The following CAPN2 variants were observed in gnomAD, a reference collection of about 807,000 sequenced individuals.
The protein encoded by CAPN2 is calpain-2 catalytic subunit.
CAPN2 carries 92 observed loss-of-function variants against 102.3 expected under a neutral mutation model. That is an observed-to-expected ratio of 0.90 (90% CI 0.76 to 1.07). The LOEUF (loss-of-function observed/expected upper bound fraction) is 1.07. CAPN2 is among the 50% of genes least tolerant of loss of function. The pLI is 0.00. For synonymous variants in CAPN2, 340 were observed against 355.4 expected, an observed-to-expected ratio of 0.96 and a Z score of 0.49; for missense variants, 800 against 909.4, an observed-to-expected ratio of 0.88 and a Z score of 1.55.
chr1:223,719,841 C>CGT (rs1278226832), intron 2 of CAPN2, among the ~76,000 whole-genome samples: 1 of 143,224 alleles, frequency 7.0e-6, no homozygotes, highest in Non-Finnish European at 1.6e-5. Flanking sequence ...TGCGCGCGCG[C>CGT]GCGTATAATG....
intron 20 of CAPN2, among the ~76,000 whole-genome samples, chr1:223,773,863 AAATAAAT>A (rs1321361754): frequency 2.2e-4 from 33 of 151,966 alleles, no homozygotes; most frequent in Middle Eastern, 3.4e-3. Context: ...TCTCAGAAAA[AAATAAAT>A]AAAAAATAAA....
intron 2 of CAPN2, among the ~76,000 whole-genome samples, chr1:223,738,051 G>A (rs1660512054): frequency 6.6e-6 from 1 of 152,064 alleles, no homozygotes; most frequent in Admixed American, 6.5e-5. Context: ...TCTAATAGAG[G>A]TAGACTTCCT....
At position 223,772,234 on chromosome 1, in the gene CAPN2, A is replaced by C. The variant is rs1558080967; in HGVS notation, c.2074A>C (p.Ile692Leu). The C allele has an allele frequency of 3.7e-6, 6 of 1,613,916 alleles. No individual in the cohort carries two copies. The highest frequency in any genetic ancestry group is 3.3e-5 in the South Asian group (3 of 91,070). Residue 692 changes from isoleucine to leucine, a missense_variant, in exon 20 of 21, where the codon ATC becomes CTC. Ile to Leu is a conservative substitution (Grantham distance 5). Transcript: ENST00000295006. ...TACTGGAACAATAGAGCTCGACCTT[A>C]TCTCTGTGAGTCAGCAGGCCCCGCC... The part of the protein sequence containing the change: ...ENTGTIELDL[I>L]SWLCFSVL
At chr1:223,762,296 A>C (rs771813757) in intron 14 of CAPN2, 45 bp downstream of exon 14, 40 of 1,442,636 alleles carry the variant, frequency 2.8e-5, no homozygotes, top group Non-Finnish European at 3.9e-5. Flanking sequence ...GTTGATGCAA[A>C]GGAAGAGACA....
Position 223,712,855 on chromosome 1 carries a change from G to T in CAPN2, c.215G>T (p.Gly72Val). The T allele has an allele frequency of 6.5e-7, 1 of 1,548,398 alleles. No individual in the cohort carries two copies. Among genetic ancestry groups the T allele is most frequent in the Non-Finnish European group, 8.7e-7 (1 of 1,149,770 alleles). ...ELGPYSSKTR[G>V]IEWKRPTEIC... ...GGGCCCTACTCCAGCAAAACCCGGGGCATCGAGTGGAAGCGCCCCACGGTA... is the reference window on the plus strand; with the variant it reads ...GGGCCCTACTCCAGCAAAACCCGGGTCATCGAGTGGAAGCGCCCCACGGTA... Residue 72 changes from glycine to valine, a missense_variant, in exon 1 of 21, where the codon GGC becomes GTC. By Grantham distance (109) the Gly-to-Val change is moderately radical. Coordinates refer to ENST00000295006, the MANE Select transcript of CAPN2 (RefSeq NM_001748.5).
At chr1:223,734,081 C>T (rs1660392988) in intron 2 of CAPN2, among the ~76,000 whole-genome samples, 1 of 152,106 alleles carries the variant, frequency 6.6e-6, no homozygotes, top group South Asian at 2.1e-4. Context: ...AGGGAAGGGA[C>T]CTCAAGGCCA....
chr1:223,702,935 G>A (rs1659519761), intron 1 of CAPN2, among the ~76,000 whole-genome samples: 1 of 152,186 alleles, frequency 6.6e-6, no homozygotes, highest in African/African-American at 2.4e-5. Context: ...GAAAGTAAGG[G>A]AATGGCAACA....
intron 2 of CAPN2, among the ~76,000 whole-genome samples, chr1:223,737,600 G>A (rs751208304): frequency 3.3e-5 from 5 of 151,256 alleles, no homozygotes; most frequent in Non-Finnish European, 7.4e-5. Flanking sequence ...AGGCAGATGA[G>A]AGATGGGAGT....
At chr1:223,710,972 T>C (rs1203677941), upstream of CAPN2, among the ~76,000 whole-genome samples, 1 of 152,192 alleles carries the variant, frequency 6.6e-6, no homozygotes, top group East Asian at 1.9e-4. Context: ...GGACTTCCTG[T>C]GTCACAGGTG....
At chr1:223,752,773 A>G (rs1307517100) in intron 8 of CAPN2, 23 bp from the exon 9 acceptor site, 2 of 1,613,320 alleles carry the variant, frequency 1.2e-6, no homozygotes, top group African/African-American at 1.3e-5. Context: ...ATCACCTGTG[A>G]TGATTGTCTC....
chr1:223,773,261 A>C (rs1215775956), intron 20 of CAPN2: 3 of 152,244 alleles, frequency 2.0e-5, no homozygotes, highest in African/African-American at 7.2e-5. Context: ...CATCTCTAAA[A>C]AAATAAAAAA....
At position 223,743,595 on chromosome 1, in the gene CAPN2, G is replaced by A. The variant is rs12025088; in HGVS notation, c.308-505G>A. On this transcript the variant is annotated intron_variant, in intron 2 of 20. Transcript: ENST00000295006. ...CAGCCTTGAAATCCTGGGCTCAAGGGATCCTCCTGCCGCAGCCTCCCAAGT... is the reference window on the plus strand; with the variant it reads ...CAGCCTTGAAATCCTGGGCTCAAGGAATCCTCCTGCCGCAGCCTCCCAAGT... Among the ~76,000 whole-genome samples the A allele has an allele frequency of 4.5e-3, 687 of 152,252 alleles. 29 individuals are homozygous for A. In the East Asian group the frequency reaches 0.1, roughly 23 times the overall value.
intron 4 of CAPN2, among the ~76,000 whole-genome samples, chr1:223,746,170 G>A (rs1660744911): frequency 6.6e-6 from 1 of 152,180 alleles, no homozygotes; most frequent in South Asian, 2.1e-4. Flanking sequence ...ATCCAGGAAG[G>A]AGGAGTCAGC....
Position 223,731,351 on chromosome 1 carries a change from A to G in CAPN2, c.308-12749A>G, listed in dbSNP as rs1660330264. ...TAGCCCCAGCCCTCTCCAGTTCCCA[A>G]TGCCCAGCCCCACAATGCCCGTCCT... On this transcript the variant is annotated intron_variant, in intron 2 of 20. Transcript: ENST00000295006. This position sits in a 1 kb window ranked among gnomAD's most constrained non-coding sequence, Gnocchi z 4.2. 6.6e-6 allele frequency among the ~76,000 whole-genome samples: 1 copy of G among 151,902 alleles called. No individual in the cohort carries two copies. Among genetic ancestry groups the G allele is most frequent in the Admixed American group, 6.6e-5 (1 of 15,248 alleles).
At chr1:223,716,895 T>C (rs763142362) in intron 1 of CAPN2, among the ~76,000 whole-genome samples, 2 of 152,008 alleles carry the variant, frequency 1.3e-5, no homozygotes, top group Non-Finnish European at 2.9e-5. Flanking sequence ...CTAAATCAAT[T>C]AGAGGCAGGG....
chr1:223,741,442 A>G (rs10688685), intron 2 of CAPN2, among the ~76,000 whole-genome samples: 2,749 of 8,470 alleles, frequency 0.32, 143 homozygotes, highest in East Asian at 0.52. Context: ...TATAATGTGT[A>G]TATATATATA....
chr1:223,759,544 C>G lies in CAPN2; in HGVS notation c.1529+63C>G. The G allele has an allele frequency of 7.0e-7, 1 of 1,433,414 alleles. No individual in the cohort carries two copies. Among genetic ancestry groups the G allele is most frequent in the South Asian group, 1.2e-5 (1 of 84,926 alleles). The allele number at this position is 1,433,414 out of a possible 1,614,324, so 88.8% of individuals were successfully genotyped here. A position where few individuals can be genotyped will look rare whatever the true frequency, so the allele number is the denominator to read the frequency against. On this transcript the variant is annotated intron_variant, in intron 12 of 20. Coordinates refer to ENST00000295006, the MANE Select transcript of CAPN2 (RefSeq NM_001748.5). The surrounding 1 kb of genome is among the most constrained non-coding windows in gnomAD (Gnocchi z 4.6). ...TGTCCCTCCCCACTGGTCTGTTCCT[C>G]GGCCCCTAGAGGGCTCTTTCATCCT...
intron 20 of CAPN2, among the ~76,000 whole-genome samples, chr1:223,773,878 A>T (rs1417497018): frequency 6.6e-6 from 1 of 151,764 alleles, no homozygotes; most frequent in Non-Finnish European, 1.5e-5. Context: ...AATAAAAAAT[A>T]AAAAAATGAG....
rs919795574 is a variant in CAPN2 at position 223,775,749 on chromosome 1, A to C, written c.*892A>C. 6.6e-6 allele frequency: 1 copy of C among 152,618 alleles called. No individual in the cohort carries two copies. The highest frequency in any genetic ancestry group is 2.4e-5 in the African/African-American group (1 of 41,452). The allele number at this position is 152,618 out of a possible 1,614,324, so 9.5% of individuals were successfully genotyped here. A position where few individuals can be genotyped will look rare whatever the true frequency, so the allele number is the denominator to read the frequency against. ...TTTGTTTCCTGGCTTTACCTTGGGAAAATGCTAGCAACATTATAGAAATTT... is the reference window on the plus strand; with the variant it reads ...TTTGTTTCCTGGCTTTACCTTGGGACAATGCTAGCAACATTATAGAAATTT... On this transcript the variant is annotated 3_prime_UTR_variant, in exon 21 of 21. Transcript: ENST00000295006.
Sources: gnomAD v4.1 joint callset for allele counts (sites outside exome capture counted in the v4.1 genomes callset) on GRCh38, gnomAD v4.1.1 for gene constraint, Gnocchi (gnomAD v3.1) non-coding constraint, MANE v1.5 for transcripts, NCBI Gene and HGNC (gene_info 2026-07-23, HGNC 2026-07-21) for gene names.